Variants in ADCY2 observed in about 807,000 individuals in gnomAD.
ADCY2 encodes the protein adenylate cyclase type 2.
In ADCY2, 31 loss-of-function variants were observed where a neutral mutation model predicts 125.2. The ratio of observed to expected loss-of-function variants is 0.25; its 90% CI spans 0.19 to 0.33. The LOEUF (loss-of-function observed/expected upper bound fraction) is 0.33. Among genes scored for constraint, ADCY2 ranks in the 10% least tolerant of loss-of-function variants. The pLI is 1.00. For missense variants in ADCY2, 904 were observed against 1,418.2 expected (o/e 0.64, Z 5.82); for synonymous variants, 512 against 548.4 (o/e 0.93, Z 0.93).
At chr5:7,487,238 C>T (rs533444349) in intron 2 of ADCY2, among the ~76,000 whole-genome samples, 10 of 152,262 alleles carry the variant, frequency 6.6e-5, no homozygotes, top group South Asian at 2.1e-4. Flanking sequence ...AGGGCCTGCC[C>T]ATCCTGTCAG....
At chr5:7,682,561 C>G (rs527887345) in intron 4 of ADCY2, among the ~76,000 whole-genome samples, 1 of 152,304 alleles carries the variant, frequency 6.6e-6, no homozygotes, top group African/African-American at 2.4e-5. Context: ...CATCCAAGCT[C>G]TGTTTCTCTT....
intron 5 of ADCY2, among the ~76,000 whole-genome samples, chr5:7,694,754 A>G (rs1398430495): frequency 1.3e-5 from 2 of 152,192 alleles, no homozygotes; most frequent in African/African-American, 2.4e-5. Context: ...ACAAATATCT[A>G]TTCAAGTTCC....
intron 1 of ADCY2, among the ~76,000 whole-genome samples, chr5:7,399,932 TTTTC>T (rs1739201418): frequency 6.6e-6 from 1 of 152,172 alleles, no homozygotes; most frequent in Admixed American, 6.5e-5. Flanking sequence ...ATTTTTTTCT[TTTTC>T]TTTTTCTCAT....
At chr5:7,590,560 G>A (rs1736822032) in intron 3 of ADCY2, among the ~76,000 whole-genome samples, 1 of 151,516 alleles carries the variant, frequency 6.6e-6, no homozygotes, top group Non-Finnish European at 1.5e-5. Flanking sequence ...TGGTTCACTT[G>A]TGACCATGTT....
chr5:7,797,532 T>A (rs1415576693), intron 20 of ADCY2: 1 of 152,288 alleles, frequency 6.6e-6, no homozygotes, highest in Non-Finnish European at 1.5e-5. Context: ...AGGGCTTGTG[T>A]TCTTTTCCTC....
intron 3 of ADCY2, among the ~76,000 whole-genome samples, chr5:7,543,482 C>A (rs1482887888): frequency 6.6e-6 from 1 of 152,110 alleles, no homozygotes; most frequent in Non-Finnish European, 1.5e-5. Flanking sequence ...TTTATTTTCA[C>A]TCTAAAATGC....
At chr5:7,670,800 C>T (rs2126703845) in intron 4 of ADCY2, among the ~76,000 whole-genome samples, 1 of 152,256 alleles carries the variant, frequency 6.6e-6, no homozygotes, top group East Asian at 1.9e-4. Context: ...TGCCGCTGAT[C>T]TGACAGCAGA....
At chr5:7,733,053 T>C (rs1037263919) in intron 14 of ADCY2, among the ~76,000 whole-genome samples, 1 of 152,228 alleles carries the variant, frequency 6.6e-6, no homozygotes, top group Non-Finnish European at 1.5e-5. Context: ...GTTTCATTCA[T>C]ATTATCTGCC....
intron 4 of ADCY2, among the ~76,000 whole-genome samples, chr5:7,690,158 AT>A (rs1156589418): frequency 2.0e-5 from 3 of 152,146 alleles, no homozygotes; most frequent in Admixed American, 6.6e-5. Context: ...TTCTGACTCC[AT>A]TTTTATAATA....
intron 12 of ADCY2, among the ~76,000 whole-genome samples, chr5:7,718,443 C>A (rs377371975): frequency 1.3e-5 from 2 of 152,092 alleles, no homozygotes; most frequent in African/African-American, 4.8e-5. Context: ...CCACCACGCC[C>A]GGCCTTAGAT....
chr5:7,668,536 G>A (rs1432215916), intron 4 of ADCY2, among the ~76,000 whole-genome samples: 1 of 152,204 alleles, frequency 6.6e-6, no homozygotes, highest in Admixed American at 6.5e-5. Context: ...CTAGAAATCA[G>A]AAGAATAACA....
intron 3 of ADCY2, among the ~76,000 whole-genome samples, chr5:7,524,151 T>A (rs531456611): frequency 3.3e-5 from 5 of 152,244 alleles, no homozygotes; most frequent in African/African-American, 1.2e-4. Context: ...GAAATTTAAT[T>A]AATAACTGAA....
At chr5:7,685,778 G>C (rs1740502839) in intron 4 of ADCY2, among the ~76,000 whole-genome samples, 1 of 152,140 alleles carries the variant, frequency 6.6e-6, no homozygotes, top group African/African-American at 2.4e-5. Flanking sequence ...GCTGGGGGAG[G>C]TGCAGCATAG....
chr5:7,453,456 G>A (rs1371539873), intron 2 of ADCY2, among the ~76,000 whole-genome samples: 1 of 152,132 alleles, frequency 6.6e-6, no homozygotes, highest in Admixed American at 6.5e-5. Context: ...AACAGTTCTT[G>A]TTACTGGCGG....
chr5:7,538,865 CTTTT>C (rs373296689), intron 3 of ADCY2, among the ~76,000 whole-genome samples: 1 of 85,122 alleles, frequency 1.2e-5, no homozygotes, highest in Non-Finnish European at 2.6e-5. Context: ...CTTTTCTTTT[CTTTT>C]TTTTTTTTTT....
chr5:7,564,488 G>C (rs754303709), intron 3 of ADCY2, among the ~76,000 whole-genome samples: 1 of 152,114 alleles, frequency 6.6e-6, no homozygotes, highest in African/African-American at 2.4e-5. Flanking sequence ...AGGAGGCCTG[G>C]GAGGCATGGA....
At chr5:7,613,994 C>T (rs1737664456) in intron 3 of ADCY2, among the ~76,000 whole-genome samples, 1 of 152,122 alleles carries the variant, frequency 6.6e-6, no homozygotes, top group Admixed American at 6.5e-5. Context: ...AGGAGGTAAC[C>T]CAGAGAGCAC....
At chr5:7,403,289 G>C (rs1442654804) in intron 1 of ADCY2, among the ~76,000 whole-genome samples, 1 of 152,094 alleles carries the variant, frequency 6.6e-6, no homozygotes, top group African/African-American at 2.4e-5. Flanking sequence ...AATTATTAAT[G>C]TTAAAAATTA....
rs191055578 is a variant in ADCY2, at chr5:7,517,764, T to G, written c.409-2974T>G. 1.4e-4 allele frequency among the ~76,000 whole-genome samples: 21 copies of G among 152,354 alleles called. No homozygotes were observed. In the East Asian group the frequency reaches 3.9e-3, roughly 28 times the overall value. On this transcript the variant is annotated intron_variant, in intron 2 of 24. Coordinates refer to ENST00000338316, the MANE Select transcript of ADCY2 (RefSeq NM_020546.3). ...GATAAGCCTTCCACAGACTTCCATT[T>G]CAAGGCTCAAAATATTTGCCGAAGT...
Sources: gnomAD v4.1 joint callset for allele counts (sites outside exome capture counted in the v4.1 genomes callset) on GRCh38, gnomAD v4.1.1 for gene constraint, MANE v1.5 for transcripts, NCBI Gene and HGNC (gene_info 2026-07-23, HGNC 2026-07-21) for gene names.